Variants in TENM2 observed in about 807,000 individuals in gnomAD.
TENM2 encodes teneurin transmembrane protein 2, also known as teneurin-2.
Under a neutral mutation model 245.2 loss-of-function variants are expected in TENM2, and 52 were observed. The ratio of observed to expected loss-of-function variants is 0.21; its 90% CI spans 0.17 to 0.27. TENM2 has a LOEUF of 0.27. TENM2 is among the 10% of genes least tolerant of loss of function. The pLI, the probability that TENM2 is intolerant of heterozygous loss-of-function variation, is 1.00. For missense variants in TENM2, 3,046 were observed against 3,666.8 expected, an observed-to-expected ratio of 0.83 and a Z score of 4.37; for synonymous variants, 1,363 against 1,438.9, an observed-to-expected ratio of 0.95 and a Z score of 1.19.
chr5:167,524,817 C>G (rs1050562112), intron 2 of TENM2, among the ~76,000 whole-genome samples: 1 of 151,386 alleles, frequency 6.6e-6, no homozygotes, highest in African/African-American at 2.4e-5. Context: ...AAACCCCTCT[C>G]TTACTACATA....
At chr5:167,814,703 T>A (rs528952732) in intron 2 of TENM2, among the ~76,000 whole-genome samples, 2 of 151,476 alleles carry the variant, frequency 1.3e-5, no homozygotes, top group Non-Finnish European at 2.9e-5. Flanking sequence ...TATATAGATA[T>A]CTATATAAAT....
chr5:168,155,257 G>A (rs1221202205), intron 12 of TENM2, among the ~76,000 whole-genome samples: 1 of 152,076 alleles, frequency 6.6e-6, no homozygotes, highest in African/African-American at 2.4e-5. Flanking sequence ...CAACTACAAA[G>A]AGCTCTGGAA....
At chr5:167,986,371 G>A (rs1255221620) in intron 4 of TENM2, among the ~76,000 whole-genome samples, 2 of 152,198 alleles carry the variant, frequency 1.3e-5, no homozygotes, top group Admixed American at 6.5e-5. Context: ...AGCTGAGAAC[G>A]CAGAACCTTT....
chr5:167,364,732 A>G (rs1301257259), intron 1 of TENM2, among the ~76,000 whole-genome samples: 1 of 152,056 alleles, frequency 6.6e-6, no homozygotes, highest in African/African-American at 2.4e-5. Flanking sequence ...AGCATTTCAA[A>G]TTGATAAAAG....
At chr5:167,634,897 G>GT (rs1169209691) in intron 2 of TENM2, among the ~76,000 whole-genome samples, 1 of 152,152 alleles carries the variant, frequency 6.6e-6, no homozygotes, top group Admixed American at 6.5e-5. Flanking sequence ...ATGAAAATAA[G>GT]TATTCATGAA....
chr5:167,376,295 C>T (rs530012971), intron 2 of TENM2, among the ~76,000 whole-genome samples: 36 of 152,008 alleles, frequency 2.4e-4, no homozygotes, highest in Non-Finnish European at 3.8e-4. Flanking sequence ...TGATTTAAGA[C>T]GAAAACATCA....
intron 2 of TENM2, among the ~76,000 whole-genome samples, chr5:167,779,352 C>T (rs1279687280): frequency 6.6e-6 from 1 of 152,168 alleles, no homozygotes; most frequent in Non-Finnish European, 1.5e-5. Context: ...CAAGAAGCAA[C>T]CAAACAACAG....
chr5:167,024,182 C>A, the TENM2 span, among the ~76,000 whole-genome samples: 2 of 152,128 alleles, frequency 1.3e-5, no homozygotes, highest in African/African-American at 4.8e-5. Context: ...TTAATCGAGT[C>A]TCTCATTATT....
chr5:167,099,524 T>G, the TENM2 span, among the ~76,000 whole-genome samples: 1 of 152,052 alleles, frequency 6.6e-6, no homozygotes, highest in Admixed American at 6.6e-5. Context: ...GGTGAAACCC[T>G]GTCTCTACTA....
chr5:167,956,550 G>A (rs932966977), intron 4 of TENM2, among the ~76,000 whole-genome samples: 37 of 152,196 alleles, frequency 2.4e-4, no homozygotes, highest in African/African-American at 7.5e-4. Flanking sequence ...GTCTTGTGCC[G>A]GTTTTCAAAG....
At chr5:168,258,435 A>T (rs1767876717) in intron 27 of TENM2, among the ~76,000 whole-genome samples, 1 of 152,096 alleles carries the variant, frequency 6.6e-6, no homozygotes, top group Non-Finnish European at 1.5e-5. Context: ...CAGGAGGCGG[A>T]GGTTGCAGTG....
intron 6 of TENM2, among the ~76,000 whole-genome samples, chr5:168,051,067 C>A (rs1562098027): frequency 1.3e-5 from 2 of 152,158 alleles, no homozygotes. Context: ...AGTATTCTGA[C>A]CTGGTCAGAT....
intron 2 of TENM2, among the ~76,000 whole-genome samples, chr5:167,712,735 A>T (rs1758992044): frequency 6.6e-6 from 1 of 152,202 alleles, no homozygotes; most frequent in African/African-American, 2.4e-5. Context: ...TTGAATATGG[A>T]ATAAAACATG....
intron 13 of TENM2, among the ~76,000 whole-genome samples, chr5:168,184,281 G>T (rs925947404): frequency 6.6e-6 from 1 of 152,202 alleles, no homozygotes; most frequent in East Asian, 1.9e-4. Context: ...ACTGCAAAGA[G>T]TGCAGCTTAT....
At chr5:167,666,229 A>C (rs1044839964) in intron 2 of TENM2, among the ~76,000 whole-genome samples, 2 of 152,186 alleles carry the variant, frequency 1.3e-5, no homozygotes, top group African/African-American at 4.8e-5. Flanking sequence ...TTGTGCTTAA[A>C]TCTGCAGGTT....
At chr5:167,052,284 T>C in the TENM2 span, among the ~76,000 whole-genome samples, 1 of 152,158 alleles carries the variant, frequency 6.6e-6, no homozygotes, top group Non-Finnish European at 1.5e-5. Flanking sequence ...CCAGCTTTAC[T>C]TATTCCCTGA....
At chr5:167,254,299 T>C in the TENM2 span, among the ~76,000 whole-genome samples, 1 of 152,134 alleles carries the variant, frequency 6.6e-6, no homozygotes, top group East Asian at 1.9e-4. Flanking sequence ...ATTCAAAGTC[T>C]TCAAACAAAG....
intron 2 of TENM2, among the ~76,000 whole-genome samples, chr5:167,387,552 A>T (rs113866733): frequency 6.6e-6 from 1 of 151,964 alleles, no homozygotes; most frequent in Non-Finnish European, 1.5e-5. Flanking sequence ...CTTCAGTACT[A>T]TGTTGAAGAG....
In TENM2 at chr5:168,020,328, C is replaced by G. The variant is rs569476291; in HGVS notation, c.1187-27099C>G. ...CTCCAAAACCCAGACCCTTAGACCT[C>G]AAGCGAAGGTCTTGGAATAGACAGT... On this transcript the variant is annotated intron_variant, in intron 5 of 28. Coordinates refer to ENST00000518659, the Ensembl canonical transcript of TENM2. Among the ~76,000 whole-genome samples, 258 of 152,318 alleles carry G rather than the reference C, an allele frequency of 1.7e-3. 2 individuals carry two copies. Among genetic ancestry groups the G allele is most frequent in the African/African-American group, 5.6e-3 (233 of 41,574 alleles).
Sources: gnomAD v4.1 joint callset for allele counts (sites outside exome capture counted in the v4.1 genomes callset) on GRCh38, gnomAD v4.1.1 for gene constraint, MANE v1.5 for transcripts, NCBI Gene and HGNC (gene_info 2026-07-23, HGNC 2026-07-21) for gene names.